Variants in KLRG1 observed in about 807,000 individuals in gnomAD.
KLRG1 encodes killer cell lectin-like receptor subfamily G member 1.
Under a neutral mutation model 21.8 loss-of-function variants are expected in KLRG1, and 16 were observed. That is an observed-to-expected ratio of 0.73 (90% CI 0.50 to 1.11). KLRG1 has a LOEUF of 1.11. KLRG1 is among the 50% of genes most tolerant of loss of function. The pLI is 0.00. For missense variants in KLRG1, 173 were observed against 218.3 expected (o/e 0.79, Z 1.31); for synonymous variants, 69 against 75.9 (o/e 0.91, Z 0.47).
chr12:9,159,962 T>C, the KLRG1 span: 1 of 1,613,724 alleles, frequency 6.2e-7, no homozygotes, highest in Non-Finnish European at 8.5e-7. Context: ...GTTCCTGCCA[T>C]ATCGTTCCCC....
At chr12:8,993,714 T>C (rs1352972026) in intron 2 of KLRG1, among the ~76,000 whole-genome samples, 2 of 152,314 alleles carry the variant, frequency 1.3e-5, no homozygotes, top group Non-Finnish European at 2.9e-5. Flanking sequence ...GTCACAGTTG[T>C]ATGGAAAAAG....
chr12:9,054,287 T>C, the KLRG1 span, among the ~76,000 whole-genome samples: 275 of 152,328 alleles, frequency 1.8e-3, no homozygotes, highest in African/African-American at 5.8e-3. Flanking sequence ...GTGATGTTTC[T>C]GTGATCAGAT....
At chr12:9,074,508 C>T in the KLRG1 span, 4 of 1,499,146 alleles carry the variant, frequency 2.7e-6, no homozygotes, top group Non-Finnish European at 3.6e-6. Flanking sequence ...CTTTTTCATT[C>T]AAATCTTTTG....
the KLRG1 span, among the ~76,000 whole-genome samples, chr12:9,189,277 C>T: frequency 6.6e-6 from 1 of 152,206 alleles, no homozygotes; most frequent in Non-Finnish European, 1.5e-5. Context: ...ACCAAAACAG[C>T]ATAGTACTTG....
chr12:9,201,046 A>G, the KLRG1 span: 2 of 1,613,998 alleles, frequency 1.2e-6, no homozygotes. Context: ...GTGCAATTCG[A>G]TTTCTTCTTG....
At chr12:9,158,281 G>A in the KLRG1 span, 2 of 1,292,424 alleles carry the variant, frequency 1.5e-6, no homozygotes, top group South Asian at 1.4e-5. Flanking sequence ...TGTAGAAAGT[G>A]TAATACTCTT....
chr12:8,963,012 G>A lies in KLRG1; in HGVS notation c.-156+12776G>A, dbSNP rs192990702. Among the ~76,000 whole-genome samples, 3 of 152,294 alleles carry A rather than the reference G, an allele frequency of 2.0e-5. No individual in the cohort carries two copies. In the East Asian group the frequency reaches 5.8e-4, roughly 29 times the overall value. ...TACTGAGCTACATTATTAAGCTGCT[G>A]AAAGTCAATGATAAAGAGAACATGT... On this transcript the variant is annotated intron_variant, in intron 1 of 4. Coordinates refer to the KLRG1 transcript ENST00000539240.
At chr12:9,111,519 AATAT>A in the KLRG1 span, 32 of 456,430 alleles carry the variant, frequency 7.0e-5, no homozygotes, top group Non-Finnish European at 1.3e-4. Context: ...AAATAGTCTG[AATAT>A]ATTTTAAGCC....
chr12:9,158,508 A>G, the KLRG1 span: 2 of 1,614,026 alleles, frequency 1.2e-6, no homozygotes, highest in African/African-American at 2.7e-5. Context: ...AGATTGGGTA[A>G]TGTGTGCTTC....
At chr12:9,199,345 C>T in the KLRG1 span, among the ~76,000 whole-genome samples, 1 of 152,074 alleles carries the variant, frequency 6.6e-6, no homozygotes, top group African/African-American at 2.4e-5. Flanking sequence ...CCTCCTTCCT[C>T]AATGACAGGA....
At chr12:9,165,095 C>A in the KLRG1 span, 1 of 1,582,812 alleles carries the variant, frequency 6.3e-7, no homozygotes, top group Non-Finnish European at 8.7e-7. Flanking sequence ...TCAAAGGAAT[C>A]TTTTGTTCTA....
chr12:9,205,622 A>G, the KLRG1 span, among the ~76,000 whole-genome samples: 64 of 152,316 alleles, frequency 4.2e-4, no homozygotes, highest in African/African-American at 1.5e-3. Context: ...AGCTTTAATG[A>G]TTCAGTGATT....
At chr12:8,957,051 C>T (rs536754967) in intron 1 of KLRG1, among the ~76,000 whole-genome samples, 5 of 152,338 alleles carry the variant, frequency 3.3e-5, no homozygotes, top group African/African-American at 1.2e-4. Context: ...AGGGCCCCCC[C>T]GGCCGTGGAG....
chr12:9,180,899 C>T, the KLRG1 span: 7 of 1,450,404 alleles, frequency 4.8e-6, no homozygotes, highest in African/African-American at 2.9e-5. Context: ...GCAACCTACT[C>T]ATCTGACAAA....
At chr12:9,164,417 G>A in the KLRG1 span, among the ~76,000 whole-genome samples, 4 of 152,342 alleles carry the variant, frequency 2.6e-5, no homozygotes, top group Middle Eastern at 3.4e-3. Context: ...GCATGGCAAT[G>A]GCAATGATAC....
the KLRG1 span, among the ~76,000 whole-genome samples, chr12:9,129,035 T>C: frequency 6.6e-6 from 1 of 152,224 alleles, no homozygotes; most frequent in Admixed American, 6.5e-5. Context: ...TGTTACCAGC[T>C]AGCCATAACC....
the KLRG1 span, among the ~76,000 whole-genome samples, chr12:9,073,079 C>T: frequency 5.3e-4 from 80 of 152,282 alleles, no homozygotes; most frequent in South Asian, 6.0e-3. Context: ...GTATGCCCTA[C>T]ATGTTTATTT....
the KLRG1 span, among the ~76,000 whole-genome samples, chr12:9,018,705 AGAAG>A: frequency 1.2e-3 from 183 of 151,122 alleles, no homozygotes; most frequent in South Asian, 6.5e-3. Context: ...AAAGAAAGAA[AGAAG>A]GAAGGAAGGA....
the KLRG1 span, chr12:9,203,940 A>G: frequency 1.2e-6 from 2 of 1,611,104 alleles, no homozygotes; most frequent in Non-Finnish European, 1.7e-6. Context: ...GGGGACCAGC[A>G]CCATATACTG....
Sources: gnomAD v4.1 joint callset for allele counts (sites outside exome capture counted in the v4.1 genomes callset) on GRCh38, gnomAD v4.1.1 for gene constraint, MANE v1.5 for transcripts, NCBI Gene and HGNC (gene_info 2026-07-23, HGNC 2026-07-21) for gene names.